The following SUMF1 variants were observed in gnomAD, a reference collection of about 807,000 sequenced individuals.
SUMF1 encodes the protein sulfatase modifying factor 1.
A neutral mutation model predicts 47.6 loss-of-function variants in SUMF1; 48 were observed. The observed-to-expected ratio is 1.01, with a 90% confidence interval of 0.80 to 1.28. The LOEUF is 1.28. Among genes scored for constraint, SUMF1 ranks in the 50% most tolerant of loss-of-function variants. The probability of loss-of-function intolerance (pLI) is 0.00; values close to 1 mark genes in which losing one functional copy is unlikely to be tolerated. For synonymous variants in SUMF1, 230 were observed against 192.1 expected, an observed-to-expected ratio of 1.20 and a Z score of -1.63; for missense variants, 571 against 485.4, an observed-to-expected ratio of 1.18 and a Z score of -1.66.
chr3:4,188,998 A>T (rs1400190758), intron 8 of SUMF1, among the ~76,000 whole-genome samples: 3 of 152,154 alleles, frequency 2.0e-5, no homozygotes, highest in African/African-American at 7.2e-5. Flanking sequence ...CGACAAAAAC[A>T]ATTTCACATG....
intron 8 of SUMF1, among the ~76,000 whole-genome samples, chr3:4,299,740 G>T (rs115641155): frequency 0.015 from 2,342 of 152,272 alleles, 79 homozygotes; most frequent in African/African-American, 0.054. Flanking sequence ...AACCCAAGAG[G>T]TGGAGGTTGC....
intron 7 of SUMF1, among the ~76,000 whole-genome samples, chr3:4,396,100 C>T (rs2124951104): frequency 6.6e-6 from 1 of 152,278 alleles, no homozygotes; most frequent in South Asian, 2.1e-4. Flanking sequence ...GACACCCACT[C>T]ATTGGCCTTA....
chr3:4,243,260 C>T (rs1696585911), intron 8 of SUMF1, among the ~76,000 whole-genome samples: 1 of 152,182 alleles, frequency 6.6e-6, no homozygotes, highest in African/African-American at 2.4e-5. Context: ...GTCTCTACCT[C>T]CTTCAGTTTT....
At chr3:4,068,119 G>A (rs1695421996) in intron 9 of SUMF1, among the ~76,000 whole-genome samples, 1 of 152,162 alleles carries the variant, frequency 6.6e-6, no homozygotes, top group South Asian at 2.1e-4. Context: ...AGGTTCATCT[G>A]AGATGCAAAC....
chr3:4,067,082 A>G (rs1487734256), intron 9 of SUMF1, among the ~76,000 whole-genome samples: 3 of 152,132 alleles, frequency 2.0e-5, no homozygotes, highest in Non-Finnish European at 4.4e-5. Flanking sequence ...TTTCTATACA[A>G]TGGTCCAGCT....
chr3:4,210,830 G>C (rs912986028), intron 8 of SUMF1, among the ~76,000 whole-genome samples: 1 of 151,836 alleles, frequency 6.6e-6, no homozygotes, highest in Admixed American at 6.6e-5. Context: ...CGCTGGGCTG[G>C]GAAAGGCAGA....
At chr3:4,073,656 G>C (rs951222514) in intron 8 of SUMF1, among the ~76,000 whole-genome samples, 1 of 152,034 alleles carries the variant, frequency 6.6e-6, no homozygotes, top group African/African-American at 2.4e-5. Context: ...CCAAGCAAAT[G>C]GAAAGCAAAA....
At chr3:4,128,846 A>G (rs1693719750) in intron 8 of SUMF1, among the ~76,000 whole-genome samples, 1 of 152,126 alleles carries the variant, frequency 6.6e-6, no homozygotes, top group African/African-American at 2.4e-5. Flanking sequence ...TGGGCCCACT[A>G]AGTAGGGACT....
At chr3:4,181,046 T>C (rs1695085599) in intron 8 of SUMF1, among the ~76,000 whole-genome samples, 1 of 152,170 alleles carries the variant, frequency 6.6e-6, no homozygotes, top group African/African-American at 2.4e-5. Flanking sequence ...GTATCTTATG[T>C]AATTGCTATC....
intron 8 of SUMF1, among the ~76,000 whole-genome samples, chr3:4,353,792 T>A (rs753892711): frequency 3.9e-5 from 6 of 152,178 alleles, no homozygotes; most frequent in Non-Finnish European, 8.8e-5. Context: ...TACAACAGGT[T>A]GTAGTGAGTT....
rs568847518 is a variant in SUMF1, at chr3:4,271,895, A to G, written c.1014+104435T>C. On this transcript the variant is annotated intron_variant and NMD_transcript_variant, in intron 8 of 12. Coordinates refer to the SUMF1 transcript ENST00000448413. ...TTCCTCGGAATTCTGCTTCTCTTAG[A>G]GCACGCAAATGAAGACTATTCCTAC... 1.4e-4 allele frequency among the ~76,000 whole-genome samples: 21 copies of G among 152,134 alleles called. No homozygotes were observed. The East Asian group carries it at 3.9e-3, about 28-fold the overall frequency.
At chr3:4,379,614 G>A (rs557903712) in intron 7 of SUMF1, among the ~76,000 whole-genome samples, 1 of 151,678 alleles carries the variant, frequency 6.6e-6, no homozygotes, top group East Asian at 1.9e-4. Flanking sequence ...AAGAGATGGA[G>A]GTCAAGAGAT....
chr3:4,287,743 T>C (rs1191721741), intron 8 of SUMF1, among the ~76,000 whole-genome samples: 1 of 152,234 alleles, frequency 6.6e-6, no homozygotes, highest in African/African-American at 2.4e-5. Flanking sequence ...GGTGCCTCAG[T>C]GCAGTTTAGG....
At chr3:4,234,285 T>C (rs1382916914) in intron 8 of SUMF1, among the ~76,000 whole-genome samples, 1 of 151,944 alleles carries the variant, frequency 6.6e-6, no homozygotes, top group Non-Finnish European at 1.5e-5. Context: ...TAAATTCGCA[T>C]GCAAGAAAAG....
chr3:4,296,023 C>A (rs1052882296), intron 8 of SUMF1, among the ~76,000 whole-genome samples: 1 of 151,970 alleles, frequency 6.6e-6, no homozygotes, highest in African/African-American at 2.4e-5. Context: ...AAACATAACA[C>A]AGGGTCACAA....
intron 9 of SUMF1, among the ~76,000 whole-genome samples, chr3:4,053,062 T>C (rs1219851223): frequency 6.6e-6 from 1 of 152,188 alleles, no homozygotes; most frequent in Non-Finnish European, 1.5e-5. Flanking sequence ...TCACTAAGCT[T>C]AATCATTTCT....
intron 8 of SUMF1, among the ~76,000 whole-genome samples, chr3:4,211,726 A>G (rs1458714619): frequency 1.3e-5 from 2 of 152,100 alleles, no homozygotes; most frequent in African/African-American, 4.8e-5. Flanking sequence ...CTTCATCCTC[A>G]CCAGATTGGC....
chr3:4,308,944 G>A (rs1192638941), intron 8 of SUMF1, among the ~76,000 whole-genome samples: 1 of 152,218 alleles, frequency 6.6e-6, no homozygotes, highest in East Asian at 1.9e-4. Context: ...TATCCGAAGT[G>A]GTTGGGATAT....
intron 3 of SUMF1, among the ~76,000 whole-genome samples, chr3:4,421,123 T>C (rs191508804): frequency 1.5e-3 from 225 of 152,166 alleles, no homozygotes; most frequent in Non-Finnish European, 2.5e-3. Context: ...CAGTCAGGAG[T>C]CCTCATTTAG....
Sources: gnomAD v4.1 joint callset for allele counts (sites outside exome capture counted in the v4.1 genomes callset) on GRCh38, gnomAD v4.1.1 for gene constraint, MANE v1.5 for transcripts, NCBI Gene and HGNC (gene_info 2026-07-23, HGNC 2026-07-21) for gene names.